ESRRB: variants seen among roughly 807,000 people sequenced by gnomAD.
ESRRB encodes the protein steroid hormone receptor ERR2.
Under a neutral mutation model 46.0 loss-of-function variants are expected in ESRRB, and 16 were observed. The observed-to-expected ratio is 0.35, with a 90% confidence interval of 0.24 to 0.53. The LOEUF is 0.53. ESRRB is among the 20% of genes least tolerant of loss of function. The probability of loss-of-function intolerance (pLI) is 0.93; values close to 1 mark genes in which losing one functional copy is unlikely to be tolerated. For missense variants in ESRRB, 488 were observed against 607.4 expected (o/e 0.80, Z 2.07); for synonymous variants, 246 against 259.6 (o/e 0.95, Z 0.50).
intron 3 of ESRRB, among the ~76,000 whole-genome samples, chr14:76,463,793 C>A (rs1888992089): frequency 6.6e-6 from 1 of 152,038 alleles, no homozygotes; most frequent in Non-Finnish European, 1.5e-5. Flanking sequence ...TTTGAAATGA[C>A]ACGTAGCTCT....
chr14:76,334,718 G>A (rs1268891247), intron 1 of ESRRB, among the ~76,000 whole-genome samples: 3 of 152,186 alleles, frequency 2.0e-5, no homozygotes, highest in Non-Finnish European at 2.9e-5. Context: ...CTGTGGCCCA[G>A]CCTCTGACCC....
chr14:76,411,058 A>G (rs113831413), intron 1 of ESRRB, among the ~76,000 whole-genome samples: 2 of 151,516 alleles, frequency 1.3e-5, no homozygotes, highest in African/African-American at 4.8e-5. Flanking sequence ...TGCTGGGATT[A>G]CAGGCAAGAG....
At chr14:76,403,493 A>G (rs1698522792) in intron 1 of ESRRB, among the ~76,000 whole-genome samples, 1 of 152,216 alleles carries the variant, frequency 6.6e-6, no homozygotes. Context: ...AGGAAGTATA[A>G]TACTGTTAGG....
At chr14:76,494,206 C>T (rs948034468) in intron 6 of ESRRB, among the ~76,000 whole-genome samples, 2 of 151,982 alleles carry the variant, frequency 1.3e-5, no homozygotes, top group Non-Finnish European at 2.9e-5. Flanking sequence ...CATACGTCCA[C>T]AGAGAATATT....
chr14:76,431,600 G>A (rs975754994), intron 1 of ESRRB, among the ~76,000 whole-genome samples: 1 of 152,158 alleles, frequency 6.6e-6, no homozygotes, highest in Non-Finnish European at 1.5e-5. Context: ...GTTGGGGCAC[G>A]AGGGAGGCCA....
At position 76,482,244 on chromosome 14, in the gene ESRRB, G is replaced by A; in HGVS notation, c.688+118G>A. ...GTCATGAGACAATGTGGATCTTGGGGAGGTGACATCAGTGCCTGGCACATT... is the reference window on the plus strand; with the variant it reads ...GTCATGAGACAATGTGGATCTTGGGAAGGTGACATCAGTGCCTGGCACATT... On this transcript the variant is annotated intron_variant, in intron 4 of 6. Transcript: ENST00000644823. This position sits in a 1 kb window ranked among gnomAD's most constrained non-coding sequence, Gnocchi z 4.3. The A allele has an allele frequency of 3.6e-6, 3 of 824,784 alleles. No individual in the cohort carries two copies. In the South Asian group the frequency reaches 4.3e-5, roughly 12 times the overall value. The allele number at this position is 824,784 out of a possible 1,614,324, so 51.1% of individuals were successfully genotyped here.
At chr14:76,418,986 T>A (rs1886826766) in intron 1 of ESRRB, among the ~76,000 whole-genome samples, 1 of 152,036 alleles carries the variant, frequency 6.6e-6, no homozygotes, top group Admixed American at 6.5e-5. Flanking sequence ...TATCTATTTT[T>A]ATCTGGAATC....
intron 1 of ESRRB, among the ~76,000 whole-genome samples, chr14:76,392,513 CAT>C (rs935671314): frequency 6.6e-6 from 1 of 152,200 alleles, no homozygotes; most frequent in African/African-American, 2.4e-5. Context: ...AGCCAGGATG[CAT>C]GTCCAAGTCT....
At chr14:76,405,354 C>T (rs183117297) in intron 1 of ESRRB, among the ~76,000 whole-genome samples, 4 of 152,168 alleles carry the variant, frequency 2.6e-5, no homozygotes, top group East Asian at 3.9e-4. Flanking sequence ...TCTAGCAATA[C>T]GCCTGCTTCG....
At position 76,404,322 on chromosome 14, in the gene ESRRB, T is replaced by A. The variant is rs150712365; in HGVS notation, c.50+27871T>A. The A allele has an allele frequency of 1.7e-3, 262 of 150,364 alleles. 1 individual carries two copies. The highest frequency in any genetic ancestry group is 6.1e-3 in the African/African-American group (253 of 41,168). 9.3% of individuals were successfully genotyped at this position (150,364 alleles called of 1,614,324 possible). A position where few individuals can be genotyped will look rare whatever the true frequency, so the allele number is the denominator to read the frequency against. On this transcript the variant is annotated intron_variant, in intron 1 of 6. Transcript: ENST00000644823. ...ATAAATGTATTCCTGTATCACAAAG[T>A]ACTTTTAAATTCTTTATATATATTA...
chr14:76,471,635 C>T (rs1889377552), intron 3 of ESRRB, among the ~76,000 whole-genome samples: 1 of 152,226 alleles, frequency 6.6e-6, no homozygotes, highest in Admixed American at 6.5e-5. Flanking sequence ...CTGGCTCCTT[C>T]TTATCCTTCC....
intron 5 of ESRRB, among the ~76,000 whole-genome samples, chr14:76,486,145 A>G (rs1417902794): frequency 6.6e-6 from 1 of 152,180 alleles, no homozygotes; most frequent in Admixed American, 6.5e-5. Flanking sequence ...TCCATTTCTT[A>G]TTCCATGAGA....
chr14:76,369,403 A>G (rs924956101), upstream of ESRRB, among the ~76,000 whole-genome samples: 1 of 151,256 alleles, frequency 6.6e-6, no homozygotes, highest in Non-Finnish European at 1.5e-5. Flanking sequence ...CCTCCCGAGT[A>G]GCTGGGACTA....
At chr14:76,381,041 C>T (rs1317701178) in intron 1 of ESRRB, among the ~76,000 whole-genome samples, 1 of 152,130 alleles carries the variant, frequency 6.6e-6, no homozygotes, top group Non-Finnish European at 1.5e-5. Flanking sequence ...CCTTCCTCAG[C>T]CCCAGCAGCC....
intron 3 of ESRRB, among the ~76,000 whole-genome samples, chr14:76,474,010 G>C (rs1344291569): frequency 6.6e-6 from 1 of 152,262 alleles, no homozygotes; most frequent in African/African-American, 2.4e-5. Context: ...GGTGGGAGCA[G>C]TTATGACTGC....
intron 1 of ESRRB, among the ~76,000 whole-genome samples, chr14:76,342,756 T>C (rs1348656102): frequency 1.3e-5 from 2 of 152,224 alleles, no homozygotes; most frequent in South Asian, 2.1e-4. Flanking sequence ...TGATTCCTTA[T>C]AGGAACTTGA....
chr14:76,485,469 T>A (rs951437602), intron 5 of ESRRB, among the ~76,000 whole-genome samples: 4 of 152,028 alleles, frequency 2.6e-5, no homozygotes, highest in African/African-American at 9.7e-5. Context: ...CTCAAACTCC[T>A]GACCTCAAGG....
intron 1 of ESRRB, among the ~76,000 whole-genome samples, chr14:76,429,242 A>C (rs1392886556): frequency 6.6e-6 from 1 of 152,174 alleles, no homozygotes; most frequent in Non-Finnish European, 1.5e-5. Context: ...CTAGTTAGTA[A>C]GTTTGAGCAA....
upstream of ESRRB, among the ~76,000 whole-genome samples, chr14:76,367,764 C>T (rs12897013): frequency 0.1 from 15,851 of 151,958 alleles, 1,016 homozygotes; most frequent in Middle Eastern, 0.19. Context: ...CCAGGGAACC[C>T]GAGCCAACAG....
Sources: allele counts gnomAD v4.1 joint callset (sites outside exome capture counted in the v4.1 genomes callset), GRCh38; gene constraint gnomAD v4.1.1; non-coding constraint Gnocchi (gnomAD v3.1); transcripts MANE v1.5; gene names NCBI Gene and HGNC (gene_info 2026-07-23, HGNC 2026-07-21).